The following DNAI3 variants were observed in gnomAD, a reference collection of about 807,000 sequenced individuals.
The protein encoded by DNAI3 is dynein axonemal intermediate chain 3.
A neutral mutation model predicts 115.5 loss-of-function variants in DNAI3; 83 were observed. That is an observed-to-expected ratio of 0.72 (90% confidence interval 0.60 to 0.86). The LOEUF (loss-of-function observed/expected upper bound fraction) is 0.86. DNAI3 is among the 40% of genes least tolerant of loss of function. The pLI, the probability that DNAI3 is intolerant of heterozygous loss-of-function variation, is 0.00. For synonymous variants in DNAI3, 320 were observed against 347.0 expected (o/e 0.92, Z 0.86); for missense variants, 1,004 against 1,075.8 (o/e 0.93, Z 0.93).
At chr1:85,097,708 G>A (rs1557716573) in intron 12 of DNAI3, 53 bp downstream of exon 12, 1 of 1,497,338 alleles carries the variant, frequency 6.7e-7, no homozygotes, top group Non-Finnish European at 9.1e-7. Context: ...AAGAGTTTAT[G>A]GAAAAGTACA....
At chr1:85,110,164 A>AT in intron 16 of DNAI3, 29 bp downstream of exon 16, 1 of 1,603,576 alleles carries the variant, frequency 6.2e-7, no homozygotes, top group East Asian at 2.2e-5. Context: ...TTAAAAAAAA[A>AT]AAAAAGGCCG....
rs760255218 is a variant in DNAI3, at chr1:85,094,447, G to A, written c.1065G>A (p.Ser355=). 15 of 1,613,956 alleles carry A rather than the reference G, an allele frequency of 9.3e-6. No individual in the cohort carries two copies. Among genetic ancestry groups the A allele is most frequent in the South Asian group, 7.7e-5 (7 of 91,072 alleles). Residue 355 remains serine, a synonymous_variant, in exon 10 of 23, where the codon TCG becomes TCA. Transcript: ENST00000294664. ...TTCCATCAGGGCTAATAGCTGTGTC[G>A]GTAGCCGTGCGACTTTCTTTTGAAG... The part of the protein sequence containing the change: ...HPTIYGLIAV[S]VAVRLSFEDR...
Position 85,094,549 on chromosome 1 carries a change from T to C in DNAI3, c.1167T>C (p.His389=). 6.2e-7 allele frequency: 1 copy of C among 1,614,018 alleles called. No homozygotes were observed. Among genetic ancestry groups the C allele is most frequent in the Non-Finnish European group, 8.5e-7 (1 of 1,179,988 alleles). ...TCTGGAGCTTCTCTGATCCTATACA[T>C]CCTCAGGTAATTAGGGAGAGTTGCC... ...ILFWSFSDPI[H]PQLMLESPDD... The change falls in exon 10 of 23, where the codon CAT becomes CAC. Residue 389 remains histidine (H), a synonymous_variant. Coordinates refer to ENST00000294664, the MANE Select transcript of DNAI3 (RefSeq NM_145172.5).
intron 7 of DNAI3, among the ~76,000 whole-genome samples, chr1:85,089,859 A>G (rs143777177): frequency 6.6e-6 from 1 of 152,310 alleles, no homozygotes; most frequent in African/African-American, 2.4e-5. Context: ...TAACTTTTCT[A>G]TAAGTTTGAA....
At position 85,070,859 on chromosome 1, in the gene DNAI3, AT is replaced by A. The variant is rs1654251188; in HGVS notation, c.-14-1064del. Among the ~76,000 whole-genome samples the A allele has an allele frequency of 1.7e-4, 11 of 63,918 alleles. No homozygotes were observed. In the South Asian group the frequency reaches 9.7e-3, roughly 56 times the overall value. 41.9% of individuals were successfully genotyped at this position (63,918 alleles called of 152,430 possible). A position where few individuals can be genotyped will look rare whatever the true frequency, so the allele number is the denominator to read the frequency against. ...AAGCACTTCACAAATGTGAGCTATT[AT>A]TTTTATCATTTAAAAAAAATTCATA... On this transcript the variant is annotated intron_variant, in intron 1 of 22. Transcript: ENST00000294664.
chr1:85,117,797 G>T lies in DNAI3; in HGVS notation c.1855G>T (p.Gly619Trp), dbSNP rs1174802216. 6.2e-7 allele frequency: 1 copy of T among 1,613,936 alleles called. No individual in the cohort carries two copies. The highest frequency in any genetic ancestry group is 1.7e-5 in the Admixed American group (1 of 60,030). ...GAACCCGTATCATAATCTGGAAAGT[G>T]GGATGGCCAATCTTCTCAAGCCAAT... Reference protein sequence around the residue: ...EMNPYHNLESGMANLLKPIDD... With the variant: ...EMNPYHNLESWMANLLKPIDD... The change falls in exon 17 of 23, where the codon GGG (glycine) becomes TGG (tryptophan). Residue 619 changes from glycine to tryptophan, a missense_variant. By Grantham distance (184) the Gly-to-Trp change is radical (BLOSUM62 -2). Coordinates refer to ENST00000294664, the MANE Select transcript of DNAI3 (RefSeq NM_145172.5).
At chr1:85,109,912 G>T in intron 15 of DNAI3, 136 bp from the exon 16 acceptor site, 1 of 723,846 alleles carries the variant, frequency 1.4e-6, no homozygotes. Context: ...GAAATTTGAG[G>T]GAGGAAAGGG....
chr1:85,086,324 A>G (rs1221379502), intron 7 of DNAI3, among the ~76,000 whole-genome samples: 3 of 152,230 alleles, frequency 2.0e-5, no homozygotes, highest in Non-Finnish European at 4.4e-5. Flanking sequence ...GCATATTACC[A>G]TGCCCCTCAT....
Position 85,094,440 on chromosome 1 carries a change from C to A in DNAI3, c.1058C>A (p.Ala353Asp). 1 of 1,614,142 alleles carries A rather than the reference C, an allele frequency of 6.2e-7. No individual in the cohort carries two copies. The highest frequency in any genetic ancestry group is 8.5e-7 in the Non-Finnish European group (1 of 1,180,014). ...SWHPTIYGLI[A>D]VSVAVRLSFE... ...CATGTGTTTCCATCAGGGCTAATAGCTGTGTCGGTAGCCGTGCGACTTTCT... is the reference window on the plus strand; with the variant it reads ...CATGTGTTTCCATCAGGGCTAATAGATGTGTCGGTAGCCGTGCGACTTTCT... Residue 353 changes from alanine (A) to aspartate (D), a missense_variant, in exon 10 of 23, where the codon GCT (alanine) becomes GAT (aspartate). Coordinates refer to ENST00000294664, the MANE Select transcript of DNAI3 (RefSeq NM_145172.5).
chr1:85,065,786 G>A (rs901854529), intron 1 of DNAI3, among the ~76,000 whole-genome samples: 5 of 152,190 alleles, frequency 3.3e-5, no homozygotes, highest in African/African-American at 1.2e-4. Flanking sequence ...GAGATTAATA[G>A]CTGTTTAAAT....
chr1:85,115,493 T>A (rs914902350), intron 16 of DNAI3, among the ~76,000 whole-genome samples: 5 of 152,208 alleles, frequency 3.3e-5, no homozygotes, highest in Admixed American at 2.0e-4. Flanking sequence ...GATGCTGTTA[T>A]TATTACTATC....
intron 6 of DNAI3, 76 bp from the exon 7 acceptor site, chr1:85,085,755 A>T: frequency 1.6e-6 from 2 of 1,245,124 alleles, no homozygotes; most frequent in Non-Finnish European, 2.3e-6. Context: ...CTCTGAGTGG[A>T]TCTGAGCAGA....
In DNAI3 at chr1:85,086,414, G is replaced by A. The variant is rs538955010; in HGVS notation, c.740+384G>A. ...ACTTCATTGTCTAGGTTTCTTCTTT[G>A]GCTTTCATCACTTAAAAAATACATC... On this transcript the variant is annotated intron_variant, in intron 7 of 22. Coordinates refer to ENST00000294664, the MANE Select transcript of DNAI3 (RefSeq NM_145172.5). 2.0e-5 allele frequency among the ~76,000 whole-genome samples: 3 copies of A among 152,166 alleles called. No homozygotes were observed. The South Asian group carries it at 6.2e-4, about 32-fold the overall frequency.
At chr1:85,072,982 TA>T in intron 2 of DNAI3, 71 bp from the exon 3 acceptor site, 1 of 650,788 alleles carries the variant, frequency 1.5e-6, no homozygotes, top group Non-Finnish European at 2.3e-6. Flanking sequence ...AAAGAAGAAA[TA>T]AAAGATTATA....
intron 8 of DNAI3, 51 bp downstream of exon 8, chr1:85,090,283 T>G: frequency 9.4e-7 from 1 of 1,065,386 alleles, no homozygotes; most frequent in Non-Finnish European, 1.3e-6. Flanking sequence ...ATGTATATGT[T>G]TACATAGAAT....
intron 16 of DNAI3, among the ~76,000 whole-genome samples, chr1:85,110,580 T>C (rs1655628999): frequency 6.6e-6 from 1 of 152,022 alleles, no homozygotes; most frequent in Admixed American, 6.5e-5. Context: ...AATCAAACCC[T>C]CCAATGTGGA....
chr1:85,102,996 G>A (rs1240898930), intron 13 of DNAI3, among the ~76,000 whole-genome samples: 1 of 152,144 alleles, frequency 6.6e-6, no homozygotes, highest in Non-Finnish European at 1.5e-5. Context: ...ACACCATGCA[G>A]GTTCTGGAAT....
chr1:85,065,211 A>C (rs1375287461), intron 1 of DNAI3, among the ~76,000 whole-genome samples: 1 of 152,040 alleles, frequency 6.6e-6, no homozygotes, highest in Non-Finnish European at 1.5e-5. Flanking sequence ...CCAGTGCTAC[A>C]AGTCCTTTCA....
intron 22 of DNAI3, among the ~76,000 whole-genome samples, chr1:85,132,606 A>G (rs1014422053): frequency 3.3e-5 from 5 of 151,690 alleles, no homozygotes; most frequent in African/African-American, 4.8e-5. Flanking sequence ...AGTTATAGGG[A>G]AGAAGGCCGG....
Sources: gnomAD v4.1 joint callset for allele counts (sites outside exome capture counted in the v4.1 genomes callset) on GRCh38, gnomAD v4.1.1 for gene constraint, MANE v1.5 for transcripts, NCBI Gene and HGNC (gene_info 2026-07-23, HGNC 2026-07-21) for gene names.